The following GALNT17 variants were observed in gnomAD, a reference collection of about 807,000 sequenced individuals.
GALNT17 encodes polypeptide N-acetylgalactosaminyltransferase 17, also known as UDP-GalNAc:polypeptide N-acetylgalactosaminyltransferase-like 3.
In GALNT17, 29 loss-of-function variants were observed where a neutral mutation model predicts 63.7. The ratio of observed to expected loss-of-function variants is 0.46; its 90% CI spans 0.34 to 0.62. The LOEUF (loss-of-function observed/expected upper bound fraction) is 0.62, where lower values mean the gene tolerates loss of function less well. Ranked by LOEUF, GALNT17 falls within the 20% of genes least tolerant of loss-of-function variation. The pLI is 0.01. For missense variants in GALNT17, 603 were observed against 799.6 expected (o/e 0.75, Z 2.97); for synonymous variants, 305 against 318.3 (o/e 0.96, Z 0.45).
intron 5 of GALNT17, among the ~76,000 whole-genome samples, chr7:71,475,451 C>T (rs1448992710): frequency 6.6e-6 from 1 of 152,092 alleles, no homozygotes; most frequent in Non-Finnish European, 1.5e-5. Context: ...CAACCTAGAT[C>T]CCTCGCATGC....
intron 9 of GALNT17, among the ~76,000 whole-genome samples, chr7:71,690,123 C>G (rs963403920): frequency 6.6e-6 from 1 of 150,794 alleles, no homozygotes; most frequent in Non-Finnish European, 1.5e-5. Flanking sequence ...CTCCTGGGTT[C>G]AGGCGAGTCT....
At chr7:71,336,879 G>A (rs1791918080) in intron 2 of GALNT17, among the ~76,000 whole-genome samples, 1 of 152,182 alleles carries the variant, frequency 6.6e-6, no homozygotes, top group Non-Finnish European at 1.5e-5. Flanking sequence ...TGGGTCAAAT[G>A]GGTCTGCTTT....
intron 1 of GALNT17, among the ~76,000 whole-genome samples, chr7:71,287,515 C>T (rs959085712): frequency 7.2e-5 from 11 of 152,132 alleles, no homozygotes; most frequent in East Asian, 3.9e-4. Flanking sequence ...TTATTTCTCT[C>T]GCTTCTGTTA....
chr7:71,251,570 T>C (rs1790198274), intron 1 of GALNT17, among the ~76,000 whole-genome samples: 3 of 152,036 alleles, frequency 2.0e-5, no homozygotes, highest in Admixed American at 2.0e-4. Context: ...CCACTGCACC[T>C]AGCTAATTTA....
At chr7:71,189,621 C>T (rs1325248283) in intron 1 of GALNT17, among the ~76,000 whole-genome samples, 1 of 151,604 alleles carries the variant, frequency 6.6e-6, no homozygotes, top group East Asian at 2.0e-4. Context: ...GCTTTGTGAT[C>T]ATGGATGCTG....
chr7:71,429,717 A>T (rs1439376859), intron 5 of GALNT17, among the ~76,000 whole-genome samples: 1 of 151,502 alleles, frequency 6.6e-6, no homozygotes, highest in Non-Finnish European at 1.5e-5. Context: ...TAATTTTTAA[A>T]TTTTTTCTTG....
At chr7:71,201,469 T>G (rs914149738) in intron 1 of GALNT17, among the ~76,000 whole-genome samples, 3 of 151,960 alleles carry the variant, frequency 2.0e-5, no homozygotes, top group Non-Finnish European at 2.9e-5. Flanking sequence ...CAATGTTGTT[T>G]GTTTTATTCC....
At chr7:71,454,681 A>C (rs1416630980) in intron 5 of GALNT17, among the ~76,000 whole-genome samples, 1 of 152,196 alleles carries the variant, frequency 6.6e-6, no homozygotes, top group African/African-American at 2.4e-5. Context: ...TATTTACCAA[A>C]GGAGAAATGT....
At chr7:71,490,267 A>AT (rs993920000) in intron 5 of GALNT17, among the ~76,000 whole-genome samples, 8 of 151,882 alleles carry the variant, frequency 5.3e-5, no homozygotes, top group Non-Finnish European at 7.4e-5. Flanking sequence ...AAAAAAAAAA[A>AT]AAAGAAGCAT....
chr7:71,448,496 C>G (rs1787198463), intron 5 of GALNT17, among the ~76,000 whole-genome samples: 1 of 151,842 alleles, frequency 6.6e-6, no homozygotes, highest in Admixed American at 6.6e-5. Context: ...GTCTGTATTT[C>G]TGGGGTATTT....
At chr7:71,655,785 A>G (rs1584116179) in intron 6 of GALNT17, among the ~76,000 whole-genome samples, 1 of 152,048 alleles carries the variant, frequency 6.6e-6, no homozygotes, top group Non-Finnish European at 1.5e-5. Context: ...GTAGATTTGC[A>G]CCAGAAGGGG....
At chr7:71,641,880 G>C (rs1349659311) in intron 6 of GALNT17, among the ~76,000 whole-genome samples, 1 of 152,168 alleles carries the variant, frequency 6.6e-6, no homozygotes, top group Admixed American at 6.5e-5. Context: ...TGATGTTCTT[G>C]ATAGTAATGA....
At position 71,132,792 on chromosome 7, in the gene GALNT17, C is replaced by T. The variant is rs536117575; in HGVS notation, c.-11C>T. On this transcript the variant is annotated 5_prime_UTR_variant, in exon 1 of 11. Transcript: ENST00000333538. ...GCGCAGGTCCGGGGCGAGGGCCGGC[C>T]GGGCTGTTTGATGGCTTCACTGAGA... 2 of 1,587,590 alleles carry T rather than the reference C, an allele frequency of 1.3e-6. No homozygotes were observed. Among genetic ancestry groups the T allele is most frequent in the Non-Finnish European group, 8.6e-7 (1 of 1,164,422 alleles).
Position 71,365,245 on chromosome 7 carries a change from G to A in GALNT17, c.423-22990G>A, listed in dbSNP as rs896110012. Among the ~76,000 whole-genome samples the A allele has an allele frequency of 5.9e-5, 9 of 151,612 alleles. No individual in the cohort carries two copies. In the East Asian group the frequency reaches 1.8e-3, roughly 30 times the overall value. The stretch of plus-strand genomic sequence containing the variant: ...ACCACATCCGGTCATGGAAGGAATA[G>A]TTTTTGTTTTTTTGAAACAGAGTCT... On this transcript the variant is annotated intron_variant, in intron 2 of 10. Transcript: ENST00000333538.
At chr7:71,497,080 AGAAAATGATCTGAAAGTTAG>A (rs1272407706) in intron 5 of GALNT17, among the ~76,000 whole-genome samples, 9 of 152,158 alleles carry the variant, frequency 5.9e-5, no homozygotes, top group East Asian at 5.8e-4. Context: ...CTCTAAAAGA[AGAAAATGATCTGAAAGTTAG>A]GAAAATGATC....
intron 5 of GALNT17, among the ~76,000 whole-genome samples, chr7:71,528,863 G>C (rs4719137): frequency 6.6e-6 from 1 of 152,004 alleles, no homozygotes; most frequent in Non-Finnish European, 1.5e-5. Flanking sequence ...GACCGGGTGT[G>C]GTGGCTCATA....
In GALNT17 at chr7:71,564,462, T is replaced by A. The variant is rs1301312914; in HGVS notation, c.963-6823T>A. On this transcript the variant is annotated intron_variant, in intron 5 of 10. Coordinates refer to ENST00000333538, the MANE Select transcript of GALNT17 (RefSeq NM_022479.3). ...CTACCACGCCCGGCTCATTTTTGTA[T>A]TTTCAGTAGAGATGGGGTTTCACAT... Among the ~76,000 whole-genome samples the A allele has an allele frequency of 2.0e-5, 3 of 151,710 alleles. No individual in the cohort carries two copies. The East Asian group carries it at 5.8e-4, about 30-fold the overall frequency.
At chr7:71,538,936 T>G (rs575361900) in intron 5 of GALNT17, among the ~76,000 whole-genome samples, 5 of 151,804 alleles carry the variant, frequency 3.3e-5, no homozygotes, top group Admixed American at 6.6e-5. Flanking sequence ...TCAATGTTTT[T>G]GGGGGGTTTT....
intron 3 of GALNT17, among the ~76,000 whole-genome samples, chr7:71,388,630 G>A (rs1448727152): frequency 6.6e-6 from 1 of 151,862 alleles, no homozygotes; most frequent in Non-Finnish European, 1.5e-5. Context: ...GGGTTCAAGC[G>A]ATTCTCCTAC....
Sources: gnomAD v4.1 joint callset for allele counts (sites outside exome capture counted in the v4.1 genomes callset) on GRCh38, gnomAD v4.1.1 for gene constraint, MANE v1.5 for transcripts, NCBI Gene and HGNC (gene_info 2026-07-23, HGNC 2026-07-21) for gene names.